Variants in ADAMTSL1 observed in about 807,000 individuals in gnomAD.
ADAMTSL1 encodes the protein ADAMTS like 1.
In ADAMTSL1, 126 loss-of-function variants were observed where a neutral mutation model predicts 201.8. The observed-to-expected ratio is 0.62, with a 90% CI of 0.54 to 0.72. The LOEUF is 0.72. ADAMTSL1 is among the 30% of genes least tolerant of loss of function. The pLI, the probability that ADAMTSL1 is intolerant of heterozygous loss-of-function variation, is 0.00. For synonymous variants in ADAMTSL1, 1,121 were observed against 903.4 expected (o/e 1.24, Z -4.32); for missense variants, 2,679 against 2,277.8 (o/e 1.18, Z -3.59).
intron 13 of ADAMTSL1, among the ~76,000 whole-genome samples, chr9:18,691,385 T>C (rs1442595103): frequency 2.6e-5 from 4 of 152,222 alleles, no homozygotes; most frequent in Non-Finnish European, 5.9e-5. Context: ...TGAGTCTGGC[T>C]TTGATTCCAG....
intron 13 of ADAMTSL1, among the ~76,000 whole-genome samples, chr9:18,693,666 C>G (rs1831373742): frequency 6.6e-6 from 1 of 152,144 alleles, no homozygotes; most frequent in African/African-American, 2.4e-5. Context: ...TAACTCTTAT[C>G]CTTCTGTTTA....
intron 2 of ADAMTSL1, among the ~76,000 whole-genome samples, chr9:18,167,785 A>G (rs1452484227): frequency 3.9e-5 from 6 of 152,020 alleles, no homozygotes. Flanking sequence ...GTACCTGAAG[A>G]TAATTTAATT....
intron 2 of ADAMTSL1, among the ~76,000 whole-genome samples, chr9:18,346,901 G>A (rs180887639): frequency 6.3e-4 from 96 of 152,220 alleles, no homozygotes; most frequent in African/African-American, 2.0e-3. Flanking sequence ...GACAATGGAA[G>A]GCCCCAGCAC....
chr9:18,269,983 A>C (rs1243934134), intron 2 of ADAMTSL1, among the ~76,000 whole-genome samples: 1 of 152,060 alleles, frequency 6.6e-6, no homozygotes, highest in African/African-American at 2.4e-5. Flanking sequence ...AAGGTTTATA[A>C]TCTAATGCCG....
chr9:18,195,938 C>T lies in ADAMTSL1; in HGVS notation c.207+31957C>T, dbSNP rs371091479. On this transcript the variant is annotated intron_variant, in intron 2 of 29. Coordinates refer to the ADAMTSL1 transcript ENST00000680146. ...TTTGGAAATTATTTTAGCTGATTCA[C>T]GTCCTGTGAAAAGTTAAAAACTGTA... 1.1e-4 allele frequency among the ~76,000 whole-genome samples: 17 copies of T among 152,156 alleles called. No individual in the cohort carries two copies. In the South Asian group the frequency reaches 1.2e-3, roughly 11 times the overall value.
intron 23 of ADAMTSL1, among the ~76,000 whole-genome samples, chr9:18,881,385 A>C (rs1227969479): frequency 1.3e-5 from 2 of 152,340 alleles, no homozygotes; most frequent in South Asian, 2.1e-4. Context: ...CCACTGTAGG[A>C]TTATTAATTA....
At chr9:18,286,359 C>T (rs1832992940) in intron 2 of ADAMTSL1, among the ~76,000 whole-genome samples, 1 of 152,112 alleles carries the variant, frequency 6.6e-6, no homozygotes, top group Non-Finnish European at 1.5e-5. Flanking sequence ...ATTTAACTTC[C>T]TTTGAATATA....
At chr9:18,369,569 A>G (rs1836947035) in intron 2 of ADAMTSL1, among the ~76,000 whole-genome samples, 1 of 152,212 alleles carries the variant, frequency 6.6e-6, no homozygotes. Context: ...AACAGGATAA[A>G]GATTCCCTAA....
intron 1 of ADAMTSL1, among the ~76,000 whole-genome samples, chr9:18,498,181 A>G (rs1822626524): frequency 6.6e-6 from 1 of 152,024 alleles, no homozygotes; most frequent in Non-Finnish European, 1.5e-5. Flanking sequence ...GATATTAACT[A>G]TGTGACATGA....
chr9:18,646,668 T>C (rs1171686656), intron 7 of ADAMTSL1, among the ~76,000 whole-genome samples: 1 of 151,316 alleles, frequency 6.6e-6, no homozygotes, highest in Admixed American at 6.6e-5. Flanking sequence ...TTGTCTTTGG[T>C]TCTGTTTATA....
chr9:18,532,379 C>T (rs892027746), intron 2 of ADAMTSL1, among the ~76,000 whole-genome samples: 2 of 152,110 alleles, frequency 1.3e-5, no homozygotes, highest in African/African-American at 2.4e-5. Context: ...TCAAAAAACA[C>T]AGTCAGAAAC....
intron 2 of ADAMTSL1, among the ~76,000 whole-genome samples, chr9:18,204,614 C>G (rs917535573): frequency 6.6e-6 from 1 of 152,132 alleles, no homozygotes; most frequent in Non-Finnish European, 1.5e-5. Context: ...GGTAAGACCC[C>G]TAAACCACCC....
intron 1 of ADAMTSL1, among the ~76,000 whole-genome samples, chr9:18,115,368 C>G (rs1825207073): frequency 6.6e-6 from 1 of 152,110 alleles, no homozygotes; most frequent in Admixed American, 6.6e-5. Context: ...GGCAGGGGGA[C>G]CTGGCATGCC....
At chr9:18,142,904 C>A (rs1424800699) in intron 1 of ADAMTSL1, among the ~76,000 whole-genome samples, 1 of 152,138 alleles carries the variant, frequency 6.6e-6, no homozygotes, top group African/African-American at 2.4e-5. Context: ...AATTTGTTTT[C>A]TAGTCTATCA....
intron 1 of ADAMTSL1, among the ~76,000 whole-genome samples, chr9:18,025,840 C>G (rs555624066): frequency 6.6e-6 from 1 of 151,780 alleles, no homozygotes; most frequent in Non-Finnish European, 1.5e-5. Flanking sequence ...AGATTGCTTT[C>G]GTTAGTATGA....
intron 2 of ADAMTSL1, among the ~76,000 whole-genome samples, chr9:18,257,970 A>G (rs1831755095): frequency 6.6e-6 from 1 of 152,230 alleles, no homozygotes; most frequent in African/African-American, 2.4e-5. Flanking sequence ...AAGGAGGGAA[A>G]AAGGAGTTAT....
chr9:17,962,336 A>T (rs1200199559), intron 1 of ADAMTSL1, among the ~76,000 whole-genome samples: 1 of 152,140 alleles, frequency 6.6e-6, no homozygotes, highest in African/African-American at 2.4e-5. Flanking sequence ...ATACCTTTTG[A>T]ACACTTTCCT....
chr9:18,376,288 AAGATATGTACAC>A (rs1237417271), intron 2 of ADAMTSL1, among the ~76,000 whole-genome samples: 44 of 152,214 alleles, frequency 2.9e-4, no homozygotes, highest in African/African-American at 8.9e-4. Flanking sequence ...TAGGAAAGAT[AAGATATGTACAC>A]AGATATGTAT....
At chr9:18,081,334 T>C (rs909908291) in intron 1 of ADAMTSL1, among the ~76,000 whole-genome samples, 2 of 152,244 alleles carry the variant, frequency 1.3e-5, no homozygotes, top group Non-Finnish European at 1.5e-5. Context: ...TTATTGTGAA[T>C]GAGTATCTTT....
Sources: allele counts gnomAD v4.1 joint callset (sites outside exome capture counted in the v4.1 genomes callset), GRCh38; gene constraint gnomAD v4.1.1; transcripts MANE v1.5; gene names NCBI Gene and HGNC (gene_info 2026-07-23, HGNC 2026-07-21).